GNAI3: variants seen among roughly 807,000 people sequenced by gnomAD.
The protein encoded by GNAI3 is G protein subunit alpha i3.
GNAI3 carries 12 observed loss-of-function variants against 41.8 expected under a neutral mutation model. The ratio of observed to expected loss-of-function variants is 0.29; its 90% CI spans 0.18 to 0.47. The LOEUF (loss-of-function observed/expected upper bound fraction) is 0.47. Ranked by LOEUF, GNAI3 falls within the 20% of genes least tolerant of loss-of-function variation. The pLI is 1.00. For synonymous variants in GNAI3, 132 were observed against 146.5 expected, an observed-to-expected ratio of 0.90 and a Z score of 0.71; for missense variants, 360 against 429.6, an observed-to-expected ratio of 0.84 and a Z score of 1.43.
chr1:109,585,085 G>A (rs1274625834), intron 5 of GNAI3, among the ~76,000 whole-genome samples: 1 of 152,156 alleles, frequency 6.6e-6, no homozygotes, highest in Non-Finnish European at 1.5e-5. Context: ...CAATTTCTGG[G>A]GGAAAACATC....
At chr1:109,553,344 T>TTA (rs1648045031) in intron 1 of GNAI3, among the ~76,000 whole-genome samples, 1 of 151,210 alleles carries the variant, frequency 6.6e-6, no homozygotes, top group Admixed American at 6.6e-5. Flanking sequence ...TGAGAAAACA[T>TTA]AAAAAAAAAC....
At chr1:109,583,893 A>G (rs1648960567) in intron 5 of GNAI3, among the ~76,000 whole-genome samples, 2 of 148,594 alleles carry the variant, frequency 1.3e-5, no homozygotes, top group African/African-American at 5.1e-5. Context: ...ACCCAGCAAC[A>G]TTAGTAATTC....
intron 1 of GNAI3, among the ~76,000 whole-genome samples, chr1:109,553,089 G>A (rs1409201076): frequency 6.6e-6 from 1 of 152,150 alleles, no homozygotes; most frequent in Non-Finnish European, 1.5e-5. Flanking sequence ...TGATGATCGT[G>A]AGAATTACCA....
intron 3 of GNAI3, among the ~76,000 whole-genome samples, chr1:109,575,688 C>T (rs1009918102): frequency 6.6e-6 from 1 of 151,878 alleles, no homozygotes; most frequent in African/African-American, 2.4e-5. Flanking sequence ...CTCACCTCCA[C>T]GCCCAGCTAA....
intron 7 of GNAI3, 139 bp downstream of exon 7, chr1:109,587,021 T>A (rs1379113359): frequency 1.6e-6 from 1 of 623,184 alleles, no homozygotes; most frequent in African/African-American, 1.9e-5. Flanking sequence ...GCATTAAGCC[T>A]GTGATTAAAA....
chr1:109,574,032 AGGGCAGTAAGTGT>A lies in GNAI3; in HGVS notation c.299_303+8del. 1 of 1,606,142 alleles carries A rather than the reference AGGGCAGTAAGTGT, an allele frequency of 6.2e-7. No individual in the cohort carries two copies. Among genetic ancestry groups the A allele is most frequent in the Non-Finnish European group, 8.5e-7 (1 of 1,177,222 alleles). On this transcript the variant is annotated splice_donor_variant and splice_donor_5th_base_variant and coding_sequence_variant and intron_variant, in exon 3 of 9. Coordinates refer to ENST00000369851, the MANE Select transcript of GNAI3 (RefSeq NM_006496.4). LOFTEE classifies it high-confidence loss of function. Reference sequence around the variant, plus strand: ...AAAGATTGACTTTGGGGAAGCTGCCAGGGCAGTAAGTGTTTCTCATTTCCTCTTCACTTGCTCT... The same window carrying A: ...AAAGATTGACTTTGGGGAAGCTGCCATTCTCATTTCCTCTTCACTTGCTCT...
chr1:109,581,455 A>G (rs1648886923), intron 4 of GNAI3, among the ~76,000 whole-genome samples: 1 of 152,144 alleles, frequency 6.6e-6, no homozygotes, highest in African/African-American at 2.4e-5. Context: ...GACTTTTGGT[A>G]TAGTTTGGTT....
intron 1 of GNAI3, among the ~76,000 whole-genome samples, chr1:109,571,186 T>A (rs1451209757): frequency 6.8e-6 from 1 of 146,044 alleles, no homozygotes; most frequent in Non-Finnish European, 1.6e-5. Flanking sequence ...GGAGCAGGGT[T>A]TGTTTTGAGG....
At chr1:109,550,693 CT>C (rs1315014050) in intron 1 of GNAI3, among the ~76,000 whole-genome samples, 1 of 152,172 alleles carries the variant, frequency 6.6e-6, no homozygotes, top group African/African-American at 2.4e-5. Context: ...GCCACCACGC[CT>C]GGCTAATTTT....
intron 7 of GNAI3, among the ~76,000 whole-genome samples, chr1:109,587,585 T>C (rs1206906386): frequency 6.6e-6 from 1 of 152,162 alleles, no homozygotes; most frequent in Non-Finnish European, 1.5e-5. Flanking sequence ...GTATGACCAG[T>C]TGTGGAACCC....
chr1:109,554,271 G>A (rs577328818), intron 1 of GNAI3, among the ~76,000 whole-genome samples: 3 of 152,268 alleles, frequency 2.0e-5, no homozygotes, highest in East Asian at 3.9e-4. Flanking sequence ...GCATCAAATG[G>A]TAGATATACT....
chr1:109,599,800 G>GA lies in GNAI3; in HGVS notation c.*7484dup, dbSNP rs1355796557. 3 of 152,178 alleles carry GA rather than the reference G, an allele frequency of 2.0e-5. No homozygotes were observed. The highest frequency in any genetic ancestry group is 4.8e-5 in the African/African-American group (2 of 41,446). 9.4% of individuals were successfully genotyped at this position (152,178 alleles called of 1,614,324 possible). On this transcript the variant is annotated 3_prime_UTR_variant, in exon 9 of 9. Coordinates refer to ENST00000369851, the MANE Select transcript of GNAI3 (RefSeq NM_006496.4). ...GTCCACGATTTAGAGACGGCATAAT[G>GA]AAAAAATGACCAAGAATTTGGTTGG...
At chr1:109,556,849 T>C (rs1314895123) in intron 1 of GNAI3, among the ~76,000 whole-genome samples, 1 of 152,264 alleles carries the variant, frequency 6.6e-6, no homozygotes, top group Non-Finnish European at 1.5e-5. Context: ...AAACTTGTTT[T>C]TGGTAGACTG....
In GNAI3 at chr1:109,599,791, C is replaced by T. The variant is rs908123049; in HGVS notation, c.*7469C>T. The T allele has an allele frequency of 1.3e-5, 2 of 152,044 alleles. No individual in the cohort carries two copies. The highest frequency in any genetic ancestry group is 2.9e-5 in the Non-Finnish European group (2 of 68,016). The allele number at this position is 152,044 out of a possible 1,614,324, so 9.4% of individuals were successfully genotyped here. A position where few individuals can be genotyped will look rare whatever the true frequency, so the allele number is the denominator to read the frequency against. On this transcript the variant is annotated 3_prime_UTR_variant, in exon 9 of 9. Coordinates refer to ENST00000369851, the MANE Select transcript of GNAI3 (RefSeq NM_006496.4). ...TTGTTAAATGTCCACGATTTAGAGA[C>T]GGCATAATGAAAAAATGACCAAGAA...
chr1:109,550,766 C>G (rs1024563823), intron 1 of GNAI3, among the ~76,000 whole-genome samples: 2 of 152,210 alleles, frequency 1.3e-5, no homozygotes, highest in Non-Finnish European at 2.9e-5. Flanking sequence ...ATCTCCTGAC[C>G]TTGTGATCCA....
chr1:109,582,639 G>A, intron 5 of GNAI3, 74 bp downstream of exon 5: 1 of 1,063,438 alleles, frequency 9.4e-7, no homozygotes. Context: ...CTCTTAATCA[G>A]GGTAAAATTT....
chr1:109,599,882 C>T lies in GNAI3; in HGVS notation c.*7560C>T, dbSNP rs1028039141. Reference sequence around the variant, plus strand: ...GGCTTTGATTTTATAGTGTATGGTGCTCTGTTGGTAGCTGGACATCATCAC... The same window carrying T: ...GGCTTTGATTTTATAGTGTATGGTGTTCTGTTGGTAGCTGGACATCATCAC... On this transcript the variant is annotated 3_prime_UTR_variant, in exon 9 of 9. Transcript: ENST00000369851. The T allele has an allele frequency of 3.3e-5, 5 of 152,110 alleles. No homozygotes were observed. The highest frequency in any genetic ancestry group is 1.2e-4 in the African/African-American group (5 of 41,412). 9.4% of individuals were successfully genotyped at this position (152,110 alleles called of 1,614,324 possible).
intron 1 of GNAI3, among the ~76,000 whole-genome samples, chr1:109,557,186 T>C (rs1321579263): frequency 6.6e-6 from 1 of 152,200 alleles, no homozygotes; most frequent in Non-Finnish European, 1.5e-5. Flanking sequence ...TCTACCCGCC[T>C]CGACCTCCCA....
chr1:109,587,242 AC>A (rs1431597035), intron 7 of GNAI3, among the ~76,000 whole-genome samples: 1 of 152,074 alleles, frequency 6.6e-6, no homozygotes. Context: ...ACATAGTGAC[AC>A]CCCCCTGCCT....
Sources: gnomAD v4.1 joint callset for allele counts (sites outside exome capture counted in the v4.1 genomes callset) on GRCh38, gnomAD v4.1.1 for gene constraint, MANE v1.5 for transcripts, NCBI Gene and HGNC (gene_info 2026-07-23, HGNC 2026-07-21) for gene names.